Variants in SNTG2 observed in about 807,000 individuals in gnomAD.
SNTG2 encodes the protein syntrophin gamma 2, also known as gamma-2-syntrophin.
Under a neutral mutation model 70.9 loss-of-function variants are expected in SNTG2, and 74 were observed. The ratio of observed to expected loss-of-function variants is 1.04; its 90% confidence interval spans 0.86 to 1.27. The LOEUF (loss-of-function observed/expected upper bound fraction) is 1.27, where lower values mean the gene tolerates loss of function less well. SNTG2 is among the 50% of genes most tolerant of loss of function. The pLI is 0.00. For missense variants in SNTG2, 717 were observed against 690.7 expected (o/e 1.04, Z -0.43); for synonymous variants, 278 against 273.8 (o/e 1.02, Z -0.15).
chr2:1,254,479 A>G (rs1242396513), intron 12 of SNTG2, among the ~76,000 whole-genome samples: 2 of 152,196 alleles, frequency 1.3e-5, no homozygotes, highest in Non-Finnish European at 2.9e-5. Context: ...TAATATATCA[A>G]TGATGTAGCA....
intron 1 of SNTG2, among the ~76,000 whole-genome samples, chr2:961,474 A>T (rs1660348940): frequency 6.6e-6 from 1 of 152,196 alleles, no homozygotes; most frequent in African/African-American, 2.4e-5. Flanking sequence ...AGCTGCTGGG[A>T]GTTAACACAC....
At chr2:1,069,489 GAA>G (rs5828802) in intron 1 of SNTG2, among the ~76,000 whole-genome samples, 33 of 143,880 alleles carry the variant, frequency 2.3e-4, no homozygotes, top group Middle Eastern at 7.1e-3. Flanking sequence ...CTGAGGCTAG[GAA>G]AAAAAAAAAA....
chr2:1,028,242 C>T (rs986439238), intron 1 of SNTG2, among the ~76,000 whole-genome samples: 4 of 149,260 alleles, frequency 2.7e-5, no homozygotes, highest in Non-Finnish European at 2.9e-5. Flanking sequence ...ACTGAAGGTG[C>T]GTCTGACCCA....
chr2:1,279,091 T>C (rs111938285), intron 14 of SNTG2, among the ~76,000 whole-genome samples: 5 of 100,984 alleles, frequency 5.0e-5, no homozygotes, highest in African/African-American at 1.3e-4. Context: ...CCTCTGTCAG[T>C]GCGCGAATCA....
intron 10 of SNTG2, among the ~76,000 whole-genome samples, chr2:1,238,480 T>A (rs1051007711): frequency 2.0e-5 from 3 of 152,216 alleles, no homozygotes; most frequent in African/African-American, 7.2e-5. Context: ...TTCTCAAATT[T>A]GTACTGCAGT....
At chr2:961,261 C>T (rs555566862) in intron 1 of SNTG2, among the ~76,000 whole-genome samples, 1 of 152,276 alleles carries the variant, frequency 6.6e-6, no homozygotes, top group Non-Finnish European at 1.5e-5. Context: ...GGCTGGAGTG[C>T]AGTGGCACGA....
intron 1 of SNTG2, among the ~76,000 whole-genome samples, chr2:1,015,442 C>G (rs1359840939): frequency 6.6e-6 from 1 of 152,152 alleles, no homozygotes; most frequent in Non-Finnish European, 1.5e-5. Flanking sequence ...GACGTGTGTT[C>G]TATTTATGTG....
intron 1 of SNTG2, among the ~76,000 whole-genome samples, chr2:1,067,322 A>G (rs1011886052): frequency 1.8e-4 from 27 of 151,518 alleles, no homozygotes; most frequent in Admixed American, 1.6e-3. Context: ...GTTTATCACT[A>G]TGTCATAGTT....
chr2:1,294,207 G>A (rs1390490251), intron 14 of SNTG2, among the ~76,000 whole-genome samples: 1 of 152,100 alleles, frequency 6.6e-6, no homozygotes, highest in African/African-American at 2.4e-5. Context: ...GGACACTGGG[G>A]ACAGACCCCA....
At chr2:1,121,811 G>A (rs1667396906) in intron 4 of SNTG2, among the ~76,000 whole-genome samples, 1 of 152,164 alleles carries the variant, frequency 6.6e-6, no homozygotes, top group Non-Finnish European at 1.5e-5. Context: ...GACACGTGGG[G>A]ATCAGGGTGA....
chr2:1,078,535 G>A (rs568030538), intron 1 of SNTG2, among the ~76,000 whole-genome samples: 6 of 152,148 alleles, frequency 3.9e-5, no homozygotes, highest in East Asian at 1.9e-4. Context: ...GCACGGCGGC[G>A]CTGCAGGACA....
chr2:1,320,043 T>C (rs1164813263), intron 16 of SNTG2, among the ~76,000 whole-genome samples: 1 of 152,204 alleles, frequency 6.6e-6, no homozygotes, highest in Non-Finnish European at 1.5e-5. Context: ...AAGTTGATTT[T>C]CTAGTGAAAT....
At chr2:1,133,938 T>C (rs7599503) in intron 4 of SNTG2, among the ~76,000 whole-genome samples, 72,209 of 151,970 alleles carry the variant, frequency 0.48, 18,175 homozygotes, top group East Asian at 0.65. Context: ...ACAGTAAAGA[T>C]GGCGTGTCCG....
At chr2:1,321,826 C>A (rs547124292) in intron 16 of SNTG2, among the ~76,000 whole-genome samples, 2 of 145,188 alleles carry the variant, frequency 1.4e-5, no homozygotes, top group South Asian at 4.4e-4. Context: ...TTTTAAAATT[C>A]TCATCTCAAG....
chr2:988,130 C>T (rs1661386298), intron 1 of SNTG2, among the ~76,000 whole-genome samples: 1 of 152,246 alleles, frequency 6.6e-6, no homozygotes, highest in South Asian at 2.1e-4. Context: ...CTTTCCCAGC[C>T]TGTAACATTG....
At position 1,028,635 on chromosome 2, in the gene SNTG2, A is replaced by T. The variant is rs181285019; in HGVS notation, c.73-54883A>T. Among the ~76,000 whole-genome samples the T allele has an allele frequency of 1.6e-3, 243 of 151,850 alleles. 4 individuals carry two copies. The South Asian group carries it at 0.019, about 12-fold the overall frequency. On this transcript the variant is annotated intron_variant, in intron 1 of 16. Coordinates refer to ENST00000308624, the MANE Select transcript of SNTG2 (RefSeq NM_018968.4). ...CCTTCATGTGGATCTATCTTTCCTT[A>T]TGCTTTACTCGAAAAGACTCTGGGT...
chr2:1,000,813 A>C (rs1331404608), intron 1 of SNTG2, among the ~76,000 whole-genome samples: 1 of 151,968 alleles, frequency 6.6e-6, no homozygotes, highest in Non-Finnish European at 1.5e-5. Context: ...GAACACAACA[A>C]AAAAGAAAGC....
chr2:1,295,344 T>G (rs1485372912), intron 14 of SNTG2, among the ~76,000 whole-genome samples: 5 of 152,168 alleles, frequency 3.3e-5, no homozygotes, highest in Non-Finnish European at 7.4e-5. Context: ...CCCAGAATAA[T>G]TTTTTCCAAC....
intron 1 of SNTG2, among the ~76,000 whole-genome samples, chr2:1,058,885 G>T (rs1662633316): frequency 6.6e-6 from 1 of 152,144 alleles, no homozygotes; most frequent in Non-Finnish European, 1.5e-5. Flanking sequence ...GGCTCTCATT[G>T]CTGTCACTGG....
Sources: allele counts gnomAD v4.1 joint callset (sites outside exome capture counted in the v4.1 genomes callset), GRCh38; gene constraint gnomAD v4.1.1; transcripts MANE v1.5; gene names NCBI Gene and HGNC (gene_info 2026-07-23, HGNC 2026-07-21).